The following STARD13 variants were observed in gnomAD, a reference collection of about 807,000 sequenced individuals.
The protein encoded by STARD13 is StAR related lipid transfer domain containing 13.
Under a neutral mutation model 106.4 loss-of-function variants are expected in STARD13, and 62 were observed. The ratio of observed to expected loss-of-function variants is 0.58; its 90% CI spans 0.48 to 0.72. The LOEUF (loss-of-function observed/expected upper bound fraction) is 0.72, where lower values mean the gene tolerates loss of function less well. Among genes scored for constraint, STARD13 ranks in the 30% least tolerant of loss-of-function variants. The pLI is 0.00. For synonymous variants in STARD13, 565 were observed against 553.0 expected (o/e 1.02, Z -0.31); for missense variants, 1,387 against 1,424.0 (o/e 0.97, Z 0.42).
At chr13:33,372,632 C>G in the STARD13 span, among the ~76,000 whole-genome samples, 3 of 151,732 alleles carry the variant, frequency 2.0e-5, no homozygotes, top group African/African-American at 7.3e-5. Flanking sequence ...TTAAACTATT[C>G]CACAGAAGGC....
chr13:33,105,593 T>C lies in STARD13; in HGVS notation c.3342A>G (p.Ter1114TrpextTer16). The C allele has an allele frequency of 6.2e-7, 1 of 1,609,800 alleles. No homozygotes were observed. Among genetic ancestry groups the C allele is most frequent in the Non-Finnish European group, 8.5e-7 (1 of 1,176,030 alleles). The change falls in exon 14 of 14, where the codon TGA (stop) becomes TGG (tryptophan). Residue 1114 changes from the stop codon to tryptophan (W), a stop_lost. Transcript: ENST00000336934. ...AGTTTGATGTCACACTGGGCAAAAC[T>C]CAGATTTTAGTTTCTGGGCCCTCAG... is the stretch of plus-strand genomic sequence containing the variant. ...LIAEGPETKI[*>W]
chr13:33,390,621 C>T, the STARD13 span, among the ~76,000 whole-genome samples: 1 of 152,152 alleles, frequency 6.6e-6, no homozygotes, highest in African/African-American at 2.4e-5. Context: ...ACTCAGGACA[C>T]ACACTTTGTG....
At chr13:33,472,720 T>A in the STARD13 span, among the ~76,000 whole-genome samples, 4 of 152,140 alleles carry the variant, frequency 2.6e-5, no homozygotes, top group East Asian at 7.7e-4. Context: ...GCAGCAAAAA[T>A]GCACCCAAGA....
chr13:33,629,150 A>G, the STARD13 span, among the ~76,000 whole-genome samples: 2 of 152,192 alleles, frequency 1.3e-5, no homozygotes, highest in Non-Finnish European at 2.9e-5. Flanking sequence ...CCTCCTCTAC[A>G]TGAGGCTACC....
intron 1 of STARD13, among the ~76,000 whole-genome samples, chr13:33,170,814 C>T (rs1218207392): frequency 1.3e-5 from 2 of 152,176 alleles, no homozygotes; most frequent in East Asian, 3.8e-4. Flanking sequence ...AAAGCCAACT[C>T]TCATTTACCA....
intron 1 of STARD13, among the ~76,000 whole-genome samples, chr13:33,202,571 A>G (rs1018969124): frequency 6.6e-6 from 1 of 152,250 alleles, no homozygotes; most frequent in East Asian, 1.9e-4. Flanking sequence ...GAAGATGTGT[A>G]AATAAAGAAT....
rs1884295015 is a variant in STARD13, at chr13:33,174,336, G to A, written c.170-6714C>T. Among the ~76,000 whole-genome samples the A allele has an allele frequency of 3.3e-5, 5 of 151,838 alleles. No homozygotes were observed. The South Asian group carries it at 1.0e-3, about 32-fold the overall frequency. On this transcript the variant is annotated intron_variant, in intron 1 of 13. Transcript: ENST00000336934. ...ATTTTTTTTTCTTTGTATGCCCACA[G>A]TGACGCCCTGCCCTTTCCAGCTGCC...
At chr13:33,531,476 G>C in the STARD13 span, among the ~76,000 whole-genome samples, 3 of 152,158 alleles carry the variant, frequency 2.0e-5, no homozygotes, top group African/African-American at 7.2e-5. Context: ...TGAGACCCTG[G>C]TAGTGTTTGA....
At chr13:33,529,648 T>G in the STARD13 span, among the ~76,000 whole-genome samples, 1 of 152,148 alleles carries the variant, frequency 6.6e-6, no homozygotes, top group Non-Finnish European at 1.5e-5. Context: ...AGCCAAAGTA[T>G]GTACAAAACG....
chr13:33,466,267 A>G, the STARD13 span, among the ~76,000 whole-genome samples: 1 of 152,234 alleles, frequency 6.6e-6, no homozygotes, highest in Non-Finnish European at 1.5e-5. Flanking sequence ...TATAATTAAC[A>G]TACAATATGT....
the STARD13 span, among the ~76,000 whole-genome samples, chr13:33,501,276 C>G: frequency 6.6e-6 from 1 of 151,912 alleles, no homozygotes; most frequent in African/African-American, 2.4e-5. Flanking sequence ...TAAAAATTCA[C>G]CATTTTGGCC....
intron 8 of STARD13, chr13:33,113,696 G>T: frequency 2.3e-6 from 1 of 437,466 alleles, no homozygotes; most frequent in Non-Finnish European, 4.6e-6. Context: ...AGGTTATGGG[G>T]GATGTCTGGC....
the STARD13 span, among the ~76,000 whole-genome samples, chr13:33,393,727 C>T: frequency 2.0e-5 from 3 of 152,176 alleles, no homozygotes; most frequent in Non-Finnish European, 2.9e-5. Context: ...TATAAATTCT[C>T]TTACTGGGGT....
chr13:33,374,458 A>G, the STARD13 span, among the ~76,000 whole-genome samples: 2 of 152,196 alleles, frequency 1.3e-5, no homozygotes, highest in Non-Finnish European at 2.9e-5. Context: ...TTATCACAAT[A>G]AAAAATGTAA....
chr13:33,228,739 T>G lies in STARD13; in HGVS notation c.169+56731A>C, dbSNP rs1299027346. 2.6e-5 allele frequency among the ~76,000 whole-genome samples: 4 copies of G among 152,358 alleles called. No individual in the cohort carries two copies. In the South Asian group the frequency reaches 6.2e-4, roughly 24 times the overall value. On this transcript the variant is annotated intron_variant, in intron 1 of 13. Coordinates refer to ENST00000336934, the MANE Select transcript of STARD13 (RefSeq NM_178006.4). ...ACAAGATTTCTGCAGTTCCACTACA[T>G]GTCCACTAGAGGCCTGTGAAGAGCT...
At chr13:33,545,875 C>T in the STARD13 span, among the ~76,000 whole-genome samples, 38 of 152,228 alleles carry the variant, frequency 2.5e-4, no homozygotes, top group African/African-American at 9.2e-4. Flanking sequence ...GCTTCTTGTA[C>T]AGCCTACAGA....
the STARD13 span, among the ~76,000 whole-genome samples, chr13:33,484,209 G>A: frequency 6.6e-6 from 1 of 152,150 alleles, no homozygotes. Flanking sequence ...TATGGTTTAA[G>A]TGATAATACT....
chr13:33,555,403 T>A, the STARD13 span, among the ~76,000 whole-genome samples: 1 of 152,240 alleles, frequency 6.6e-6, no homozygotes, highest in Non-Finnish European at 1.5e-5. Context: ...TGCATTAACT[T>A]TTCATGAAGT....
the STARD13 span, among the ~76,000 whole-genome samples, chr13:33,583,804 C>T: frequency 6.6e-6 from 1 of 151,854 alleles, no homozygotes; most frequent in African/African-American, 2.4e-5. Context: ...ATCATCATAA[C>T]AATTTTTTTT....
Sources: gnomAD v4.1 joint callset for allele counts (sites outside exome capture counted in the v4.1 genomes callset) on GRCh38, gnomAD v4.1.1 for gene constraint, MANE v1.5 for transcripts, NCBI Gene and HGNC (gene_info 2026-07-23, HGNC 2026-07-21) for gene names.